The following CTNNA2 variants were observed in gnomAD, a reference collection of about 807,000 sequenced individuals.
The protein encoded by CTNNA2 is catenin alpha 2.
A neutral mutation model predicts 101.0 loss-of-function variants in CTNNA2; 42 were observed. The ratio of observed to expected loss-of-function variants is 0.42; its 90% CI spans 0.32 to 0.54. The LOEUF (loss-of-function observed/expected upper bound fraction) is 0.54. CTNNA2 is among the 20% of genes least tolerant of loss of function. CTNNA2 has a pLI of 0.14. For synonymous variants in CTNNA2, 450 were observed against 456.4 expected, an observed-to-expected ratio of 0.99 and a Z score of 0.18; for missense variants, 871 against 1,223.1, an observed-to-expected ratio of 0.71 and a Z score of 4.29.
intron 18 of CTNNA2, among the ~76,000 whole-genome samples, chr2:80,621,788 A>C (rs182146125): frequency 6.6e-6 from 1 of 151,852 alleles, no homozygotes; most frequent in African/African-American, 2.4e-5. Context: ...TTGCTCCTGA[A>C]TTTGAGGAAT....
intron 3 of CTNNA2, among the ~76,000 whole-genome samples, chr2:79,767,085 G>A (rs929151169): frequency 4.6e-5 from 7 of 151,676 alleles, no homozygotes; most frequent in Admixed American, 3.3e-4. Context: ...GCCTGTTTTC[G>A]ACCTCACTAA....
intron 7 of CTNNA2, among the ~76,000 whole-genome samples, chr2:80,079,383 T>G (rs1698966316): frequency 2.0e-5 from 3 of 152,202 alleles, no homozygotes; most frequent in Non-Finnish European, 4.4e-5. Flanking sequence ...TTGGCCTGGC[T>G]GCCCCTGCAG....
At chr2:79,204,449 A>T (rs1674076669) in intron 2 of CTNNA2, among the ~76,000 whole-genome samples, 1 of 152,216 alleles carries the variant, frequency 6.6e-6, no homozygotes, top group Non-Finnish European at 1.5e-5. Flanking sequence ...CTGATCACGA[A>T]TGAAGCTCTT....
At chr2:80,600,519 CAT>C (rs1403208629) in intron 15 of CTNNA2, among the ~76,000 whole-genome samples, 1 of 151,900 alleles carries the variant, frequency 6.6e-6, no homozygotes, top group Non-Finnish European at 1.5e-5. Flanking sequence ...TCAATAGAAA[CAT>C]ATGCAAAAGA....
chr2:80,222,436 CAT>C (rs1263365874), intron 7 of CTNNA2, among the ~76,000 whole-genome samples: 3 of 152,106 alleles, frequency 2.0e-5, no homozygotes, highest in African/African-American at 7.2e-5. Context: ...AAGAGAAAGT[CAT>C]GACTCAGATC....
rs554876735 is a variant in CTNNA2, at chr2:79,921,279, A to G, written c.1056+11482A>G. On this transcript the variant is annotated intron_variant, in intron 7 of 18. Transcript: ENST00000402739. ...GTATCAAATCAAGAGTTGATTTAAT[A>G]TAGCACGGGTTAAAAACGGGGTTTC... 9.8e-5 allele frequency among the ~76,000 whole-genome samples: 15 copies of G among 152,342 alleles called. No individual in the cohort carries two copies. In the East Asian group the frequency reaches 1.9e-3, roughly 20 times the overall value.
chr2:79,388,802 T>A (rs907221870), intron 4 of CTNNA2, among the ~76,000 whole-genome samples: 1 of 152,160 alleles, frequency 6.6e-6, no homozygotes, highest in South Asian at 2.1e-4. Context: ...TTAATTTTTT[T>A]ATTATTTTGC....
intron 4 of CTNNA2, 53 bp downstream of exon 4, chr2:79,858,232 C>A: frequency 7.0e-7 from 1 of 1,425,718 alleles, no homozygotes; most frequent in South Asian, 1.2e-5. Flanking sequence ...CAATCTTGAC[C>A]GTGTGTATTA....
chr2:80,197,460 A>G (rs908607095), intron 7 of CTNNA2, among the ~76,000 whole-genome samples: 1 of 152,210 alleles, frequency 6.6e-6, no homozygotes, highest in African/African-American at 2.4e-5. Flanking sequence ...TACAGTCTCA[A>G]TATAAGGCAG....
In CTNNA2 at chr2:80,543,170, A is replaced by G. The variant is rs555992804; in HGVS notation, c.1291-1812A>G. Among the ~76,000 whole-genome samples the G allele has an allele frequency of 5.9e-5, 9 of 152,348 alleles. No individual in the cohort carries two copies. The South Asian group carries it at 1.9e-3, about 32-fold the overall frequency. ...CCAATTCTGTGTCATGCACTGAGTC[A>G]GGCACTTGGATTGTAAAATGAACCA... On this transcript the variant is annotated intron_variant, in intron 9 of 18. Transcript: ENST00000402739.
intron 4 of CTNNA2, chr2:79,866,730 G>A (rs995468739): frequency 2.0e-5 from 3 of 152,100 alleles, no homozygotes; most frequent in African/African-American, 7.2e-5. Flanking sequence ...CAGCAAGTTG[G>A]TGTCTCTATT....
chr2:79,721,775 G>A (rs1278388301), intron 2 of CTNNA2, among the ~76,000 whole-genome samples: 1 of 152,136 alleles, frequency 6.6e-6, no homozygotes, highest in Non-Finnish European at 1.5e-5. Context: ...ATCAGAGGAA[G>A]TCCTCATTAT....
chr2:80,062,378 C>T (rs1191103189), intron 7 of CTNNA2, among the ~76,000 whole-genome samples: 1 of 152,082 alleles, frequency 6.6e-6, no homozygotes, highest in Non-Finnish European at 1.5e-5. Context: ...TGATATAATT[C>T]ACCACTTTAG....
At chr2:79,204,397 T>A (rs1396932140) in intron 2 of CTNNA2, among the ~76,000 whole-genome samples, 3 of 152,218 alleles carry the variant, frequency 2.0e-5, no homozygotes, top group Non-Finnish European at 4.4e-5. Flanking sequence ...CAGTGCTTAA[T>A]TTTTTATGGA....
At chr2:79,684,618 T>A (rs1156853893) in intron 2 of CTNNA2, among the ~76,000 whole-genome samples, 1 of 152,206 alleles carries the variant, frequency 6.6e-6, no homozygotes, top group East Asian at 1.9e-4. Flanking sequence ...TCATGAAGGA[T>A]TCCAATACTT....
chr2:79,801,564 C>G (rs1320868988), intron 3 of CTNNA2, among the ~76,000 whole-genome samples: 1 of 139,076 alleles, frequency 7.2e-6, no homozygotes, highest in Non-Finnish European at 1.5e-5. Flanking sequence ...CTGCAGATTC[C>G]CAGCAGTAGC....
chr2:80,194,629 T>C (rs1378360484), intron 7 of CTNNA2, among the ~76,000 whole-genome samples: 2 of 151,496 alleles, frequency 1.3e-5, no homozygotes, highest in African/African-American at 4.8e-5. Flanking sequence ...CTCTAGGTAG[T>C]AAAAAAAGAT....
chr2:80,372,022 G>T (rs777003146), intron 7 of CTNNA2, among the ~76,000 whole-genome samples: 6 of 152,096 alleles, frequency 3.9e-5, no homozygotes, highest in Non-Finnish European at 5.9e-5. Context: ...CTTGTCGTCC[G>T]AATTGAAGCA....
Position 79,858,145 on chromosome 2 carries a change from C to T in CTNNA2, c.431C>T (p.Ala144Val). The T allele has an allele frequency of 6.2e-7, 1 of 1,613,770 alleles. No homozygotes were observed. The highest frequency in any genetic ancestry group is 8.5e-7 in the Non-Finnish European group (1 of 1,179,706). Reference sequence around the variant, plus strand: ...CGCTTACTCATCCTGGCGGACATGGCAGATGTCATGAGACTTTTATCCCAT... The same window carrying T: ...CGCTTACTCATCCTGGCGGACATGGTAGATGTCATGAGACTTTTATCCCAT... ...VTRLLILADM[A>V]DVMRLLSHLK... is the part of the protein sequence containing the mutation. The change falls in exon 4 of 19, where the codon GCA (alanine) becomes GTA (valine). Residue 144 changes from alanine (A) to valine (V), a missense_variant. This residue lies in a region of CTNNA2 where 647 missense variants were observed against 831.5 expected (regional missense o/e 0.78). Coordinates refer to ENST00000402739, the MANE Select transcript of CTNNA2 (RefSeq NM_001282597.3).
Sources: allele counts gnomAD v4.1 joint callset (sites outside exome capture counted in the v4.1 genomes callset), GRCh38; gene constraint gnomAD v4.1.1; regional missense constraint gnomAD v4.1.1; transcripts MANE v1.5; gene names NCBI Gene and HGNC (gene_info 2026-07-23, HGNC 2026-07-21).